The following TENM4 variants were observed in gnomAD, a reference collection of about 807,000 sequenced individuals.
The protein encoded by TENM4 is teneurin transmembrane protein 4.
In TENM4, 82 loss-of-function variants were observed where a neutral mutation model predicts 243.3. The observed-to-expected ratio is 0.34, with a 90% CI of 0.28 to 0.40. The LOEUF (loss-of-function observed/expected upper bound fraction) is 0.40. Among genes scored for constraint, TENM4 ranks in the 10% least tolerant of loss-of-function variants. The probability of loss-of-function intolerance (pLI) is 1.00; values close to 1 mark genes in which losing one functional copy is unlikely to be tolerated. For synonymous variants in TENM4, 1,412 were observed against 1,456.3 expected, an observed-to-expected ratio of 0.97 and a Z score of 0.69; for missense variants, 3,138 against 3,673.3, an observed-to-expected ratio of 0.85 and a Z score of 3.77.
At chr11:79,431,952 C>A (rs185168931) in intron 1 of TENM4, among the ~76,000 whole-genome samples, 1 of 152,266 alleles carries the variant, frequency 6.6e-6, no homozygotes, top group East Asian at 1.9e-4. Flanking sequence ...GAATGTCTTA[C>A]AATGATAGAA....
At chr11:78,964,221 T>G (rs189858572) in intron 6 of TENM4, among the ~76,000 whole-genome samples, 67 of 151,870 alleles carry the variant, frequency 4.4e-4, no homozygotes, top group African/African-American at 1.5e-3. Flanking sequence ...TTTTGTATTT[T>G]TAGTAGAGAC....
intron 4 of TENM4, among the ~76,000 whole-genome samples, chr11:79,123,961 T>C: frequency 6.6e-6 from 1 of 152,194 alleles, no homozygotes; most frequent in East Asian, 1.9e-4. Flanking sequence ...AAACTTTCTT[T>C]TTCTTCTTCT....
intron 3 of TENM4, among the ~76,000 whole-genome samples, chr11:79,177,084 A>G (rs1863175294): frequency 6.6e-6 from 1 of 152,154 alleles, no homozygotes; most frequent in Non-Finnish European, 1.5e-5. Context: ...TCTAAGCCCT[A>G]ACATGGTGAC....
At chr11:79,049,396 G>A (rs917142587) in intron 6 of TENM4, among the ~76,000 whole-genome samples, 2 of 152,216 alleles carry the variant, frequency 1.3e-5, no homozygotes, top group Admixed American at 1.3e-4. Flanking sequence ...GCATGAAGGA[G>A]GATGACTAGA....
chr11:78,944,528 T>G (rs1041168727), intron 6 of TENM4, among the ~76,000 whole-genome samples: 2 of 152,204 alleles, frequency 1.3e-5, no homozygotes, highest in Non-Finnish European at 2.9e-5. Flanking sequence ...AAGAGACAGC[T>G]TCAAAAGGGC....
intron 4 of TENM4, among the ~76,000 whole-genome samples, chr11:79,085,388 AGG>A (rs1555005369): frequency 0.24 from 31,337 of 132,060 alleles, 3,578 homozygotes; most frequent in Middle Eastern, 0.38. Context: ...AAAAAAAAAA[AGG>A]GGGGTTTTTT....
chr11:79,160,870 C>T (rs187093513), intron 3 of TENM4, among the ~76,000 whole-genome samples: 66 of 152,260 alleles, frequency 4.3e-4, no homozygotes, highest in African/African-American at 1.4e-3. Context: ...CTAGATTTCC[C>T]GGATTCCCTT....
intron 2 of TENM4, among the ~76,000 whole-genome samples, 169 bp from the exon 3 acceptor site, chr11:79,216,078 G>C (rs1184027747): frequency 1.3e-5 from 2 of 152,202 alleles, no homozygotes; most frequent in Admixed American, 6.5e-5. Flanking sequence ...CTGGCACCCT[G>C]CAAATCCCAC....
intron 15 of TENM4, among the ~76,000 whole-genome samples, chr11:78,791,708 C>T (rs1281974090): frequency 6.6e-6 from 1 of 152,178 alleles, no homozygotes; most frequent in African/African-American, 2.4e-5. Flanking sequence ...TAACATAGTG[C>T]CTGGCACATA....
At chr11:79,210,428 T>C (rs1292615859) in intron 3 of TENM4, among the ~76,000 whole-genome samples, 2 of 152,232 alleles carry the variant, frequency 1.3e-5, no homozygotes, top group Non-Finnish European at 2.9e-5. Context: ...CCTGTTCAAT[T>C]TTCCAAGAAC....
intron 6 of TENM4, among the ~76,000 whole-genome samples, chr11:79,038,090 G>A (rs1300174508): frequency 6.6e-6 from 1 of 152,238 alleles, no homozygotes; most frequent in Non-Finnish European, 1.5e-5. Flanking sequence ...GGAAGCCGGA[G>A]ACAACCATCG....
At chr11:79,171,111 A>G (rs914224827) in intron 3 of TENM4, among the ~76,000 whole-genome samples, 1 of 152,194 alleles carries the variant, frequency 6.6e-6, no homozygotes, top group Non-Finnish European at 1.5e-5. Context: ...GAGGTCAGAG[A>G]GGCATCTTCT....
At chr11:79,285,940 G>T (rs1349600894) in intron 2 of TENM4, among the ~76,000 whole-genome samples, 2 of 152,102 alleles carry the variant, frequency 1.3e-5, no homozygotes, top group African/African-American at 4.8e-5. Flanking sequence ...GTGATGAAAT[G>T]TTCTAAAGTT....
At chr11:79,051,185 T>A (rs1022445883) in intron 6 of TENM4, among the ~76,000 whole-genome samples, 1 of 152,270 alleles carries the variant, frequency 6.6e-6, no homozygotes, top group Non-Finnish European at 1.5e-5. Flanking sequence ...ACTTCCTGTG[T>A]GCCAGACACG....
rs1276891487 is a variant in TENM4, at chr11:79,132,193, A to C, written c.-66+16517T>G. The stretch of plus-strand genomic sequence containing the variant: ...CTGTCTCTACTAAAAATACAAAAAA[A>C]AAATGAGCCGGGCGCGGTGGTGGGT... On this transcript the variant is annotated intron_variant, in intron 4 of 33. Transcript: ENST00000278550. Among the ~76,000 whole-genome samples, 9 of 151,554 alleles carry C rather than the reference A, an allele frequency of 5.9e-5. 1 individual carries two copies.
At position 78,805,304 on chromosome 11, in the gene TENM4, C is replaced by T. The variant is rs1223213256; in HGVS notation, c.2167G>A (p.Asp723Asn). 7 of 1,022,896 alleles carry T rather than the reference C, an allele frequency of 6.8e-6. No homozygotes were observed. Among genetic ancestry groups the T allele is most frequent in the Admixed American group, 3.1e-5 (1 of 32,234 alleles). The allele number at this position is 1,022,896 out of a possible 1,614,324, so 63.4% of individuals were successfully genotyped here. ...CCCCTGCATTTACCGATAGAACAGTCGTGTCCAGTCCAGCTTGGGTCACAG... is the reference window on the plus strand; with the variant it reads ...CCCCTGCATTTACCGATAGAACAGTTGTGTCCAGTCCAGCTTGGGTCACAG... The part of the protein sequence containing the change: ...CSCDPSWTGH[D>N]CSIEICAADC... Residue 723 changes from aspartate (D) to asparagine (N), a missense_variant, in exon 15 of 34, where the codon GAC becomes AAC. Asp to Asn is a conservative substitution (Grantham distance 23). This residue lies in a region of TENM4 where 2,467 missense variants were observed against 3,059.1 expected (regional missense o/e 0.81). Coordinates refer to ENST00000278550, the MANE Select transcript of TENM4 (RefSeq NM_001098816.3).
At chr11:78,723,696 T>C (rs994705791) in intron 23 of TENM4, among the ~76,000 whole-genome samples, 4 of 152,254 alleles carry the variant, frequency 2.6e-5, no homozygotes, top group African/African-American at 4.8e-5. Flanking sequence ...TTTTTCCTCA[T>C]GCACACTTCA....
At position 78,669,535 on chromosome 11, in the gene TENM4, C is replaced by T. The variant is rs1858254037; in HGVS notation, c.6810G>A (p.Glu2270=). ...FLRQRGGDIF[E]YNSAGLLIKA... is the part of the protein sequence containing the mutation. Reference sequence around the variant, plus strand: ...TGATGAGCAGGCCAGCTGAGTTGTACTCAAAGATATCACCGCCCCGCTGCC... The same window carrying T: ...TGATGAGCAGGCCAGCTGAGTTGTATTCAAAGATATCACCGCCCCGCTGCC... The change falls in exon 32 of 34, where the codon GAG becomes GAA. Residue 2270 remains glutamate, a synonymous_variant. Transcript: ENST00000278550. This position sits in a 1 kb window ranked among gnomAD's most constrained non-coding sequence, Gnocchi z 6.4. 26 of 1,613,962 alleles carry T rather than the reference C, an allele frequency of 1.6e-5. No homozygotes were observed. Among genetic ancestry groups the T allele is most frequent in the Non-Finnish European group, 2.2e-5 (26 of 1,179,884 alleles).
chr11:79,054,249 G>T (rs148666272), intron 6 of TENM4, among the ~76,000 whole-genome samples: 11 of 152,272 alleles, frequency 7.2e-5, no homozygotes, highest in African/African-American at 2.6e-4. Context: ...ACAAATTAGG[G>T]ATTCCAGCTT....
Sources: allele counts gnomAD v4.1 joint callset (sites outside exome capture counted in the v4.1 genomes callset), GRCh38; gene constraint gnomAD v4.1.1; regional missense constraint gnomAD v4.1.1; non-coding constraint Gnocchi (gnomAD v3.1); transcripts MANE v1.5; gene names NCBI Gene and HGNC (gene_info 2026-07-23, HGNC 2026-07-21).